ATN1: variants seen among roughly 807,000 people sequenced by gnomAD.
The protein encoded by ATN1 is atrophin 1.
Under a neutral mutation model 85.8 loss-of-function variants are expected in ATN1, and 19 were observed. The ratio of observed to expected loss-of-function variants is 0.22; its 90% CI spans 0.15 to 0.32. The LOEUF is 0.32. Ranked by LOEUF, ATN1 falls within the 10% of genes least tolerant of loss-of-function variation. The pLI, the probability that ATN1 is intolerant of heterozygous loss-of-function variation, is 1.00. For missense variants in ATN1, 1,453 were observed against 1,564.5 expected (o/e 0.93, Z 1.20); for synonymous variants, 674 against 657.0 (o/e 1.03, Z -0.39).
chr12:6,938,001 C>T lies in ATN1; in HGVS notation c.2451C>T (p.Arg817=), dbSNP rs782001819. Residue 817 remains arginine (R), a synonymous_variant, in exon 6 of 10, where the codon CGC becomes CGT. Coordinates refer to ENST00000396684, the MANE Select transcript of ATN1 (RefSeq NM_001940.4). The stretch of plus-strand genomic sequence containing the variant: ...AGCGCGCGCGCGAAGAAAAGGAGCG[C>T]GAGCGCGAGCGGGAACGCGAGAAAG... The part of the protein sequence containing the change: ...AEQRAREEKE[R]EREREREKER... 2.3e-5 allele frequency: 35 copies of T among 1,542,666 alleles called. No individual in the cohort carries two copies. Among genetic ancestry groups the T allele is most frequent in the Non-Finnish European group, 2.9e-5 (33 of 1,142,326 alleles).
At position 6,935,477 on chromosome 12, in the gene ATN1, G is replaced by C; in HGVS notation, c.280-70G>C. 1.5e-6 allele frequency: 2 copies of C among 1,376,740 alleles called. No homozygotes were observed. Among genetic ancestry groups the C allele is most frequent in the South Asian group, 1.3e-5 (1 of 75,824 alleles). The allele number at this position is 1,376,740 out of a possible 1,614,324, so 85.3% of individuals were successfully genotyped here. The stretch of plus-strand genomic sequence containing the variant: ...GTGCTGTGAGGGGAAATGATTTTAT[G>C]CAAGAGAGCCCCAAATCTCAGGGAA... On this transcript the variant is annotated intron_variant, in intron 4 of 9. Transcript: ENST00000396684. The surrounding 1 kb of genome is among the most constrained non-coding windows in gnomAD (Gnocchi z 5.3).
Position 6,934,670 on chromosome 12 carries a change from G to C in ATN1, c.279+92G>C. 1 of 961,544 alleles carries C rather than the reference G, an allele frequency of 1.0e-6. No individual in the cohort carries two copies. The highest frequency in any genetic ancestry group is 2.1e-4 in the Middle Eastern group (1 of 4,714). The allele number at this position is 961,544 out of a possible 1,614,324, so 59.6% of individuals were successfully genotyped here. A position where few individuals can be genotyped will look rare whatever the true frequency, so the allele number is the denominator to read the frequency against. ...CACTATTCTTAGCTGGATCTCTCCT[G>C]GGACATAAGAGAAAGGCCAGATCAT... On this transcript the variant is annotated intron_variant, in intron 4 of 9. Coordinates refer to ENST00000396684, the MANE Select transcript of ATN1 (RefSeq NM_001940.4). The surrounding 1 kb of genome is among the most constrained non-coding windows in gnomAD (Gnocchi z 4.5).
rs188431740 is a variant in ATN1, at chr12:6,935,432, C to A, written c.280-115C>A. 8.3e-3 allele frequency: 9,995 copies of A among 1,197,806 alleles called. 58 individuals carry two copies. The highest frequency in any genetic ancestry group is 9.9e-3 in the Non-Finnish European group (8,645 of 869,324). The allele number at this position is 1,197,806 out of a possible 1,614,324, so 74.2% of individuals were successfully genotyped here. On this transcript the variant is annotated intron_variant, in intron 4 of 9. Coordinates refer to ENST00000396684, the MANE Select transcript of ATN1 (RefSeq NM_001940.4). The surrounding 1 kb of genome is among the most constrained non-coding windows in gnomAD (Gnocchi z 5.3). ...AGGTGGGCTTGAGCAAGAGTACTCA[C>A]CACATCACAGTACAACAGTGTGCTG... is the stretch of plus-strand genomic sequence containing the variant.
chr12:6,925,193 C>T (rs1374392362), upstream of ATN1, among the ~76,000 whole-genome samples: 1 of 151,502 alleles, frequency 6.6e-6, no homozygotes, highest in Non-Finnish European at 1.5e-5. Context: ...GCCTGGCCCT[C>T]AGGTAGGGGA....
intron 1 of ATN1, among the ~76,000 whole-genome samples, chr12:6,932,640 TAAA>T (rs1244896804): frequency 1.1e-4 from 16 of 152,328 alleles, no homozygotes; most frequent in African/African-American, 3.8e-4. Context: ...AGGATAGGCT[TAAA>T]AACTGGTACA....
Position 6,938,589 on chromosome 12 carries a change from C to G in ATN1, c.2626C>G (p.Leu876Val), listed in dbSNP as rs1555144232. 2 of 1,614,260 alleles carry G rather than the reference C, an allele frequency of 1.2e-6. No homozygotes were observed. The highest frequency in any genetic ancestry group is 3.3e-5 in the Admixed American group (2 of 60,032). The change falls in exon 7 of 10, where the codon CTG (leucine) becomes GTG (valine). Residue 876 changes from leucine to valine, a missense_variant. Transcript: ENST00000396684. The stretch of plus-strand genomic sequence containing the variant: ...TGCGGTGGCTACAGTGCCCCCCTAC[C>G]TGGGTCCTGACACTCCAGCCTTGCG... ...GSAVATVPPY[L>V]GPDTPALRTL...
At chr12:6,925,047 T>C (rs1366711495), upstream of ATN1, among the ~76,000 whole-genome samples, 1 of 151,178 alleles carries the variant, frequency 6.6e-6, no homozygotes, top group African/African-American at 2.4e-5. Context: ...TGGAGACCAA[T>C]GGGTTGTGGG....
upstream of ATN1, among the ~76,000 whole-genome samples, chr12:6,925,398 T>TAC (rs1555142499): frequency 1.3e-5 from 2 of 151,132 alleles, no homozygotes; most frequent in African/African-American, 4.9e-5. Context: ...AACTGAGTGG[T>TAC]ACAGAAAGAG....
Position 6,935,111 on chromosome 12 carries a change from C to G in ATN1, c.280-436C>G, listed in dbSNP as rs1555143409. Among the ~76,000 whole-genome samples, 1 of 152,150 alleles carries G rather than the reference C, an allele frequency of 6.6e-6. No individual in the cohort carries two copies. Among genetic ancestry groups the G allele is most frequent in the Non-Finnish European group, 1.5e-5 (1 of 68,030 alleles). On this transcript the variant is annotated intron_variant, in intron 4 of 9. Coordinates refer to ENST00000396684, the MANE Select transcript of ATN1 (RefSeq NM_001940.4). This position sits in a 1 kb window ranked among gnomAD's most constrained non-coding sequence, Gnocchi z 5.3. Reference sequence around the variant, plus strand: ...CCATGTTGGCCAGGCTGGTTTGGAACTCCTGGCATCAAGTGATCCGCCCGC... The same window carrying G: ...CCATGTTGGCCAGGCTGGTTTGGAAGTCCTGGCATCAAGTGATCCGCCCGC...
rs1555143974 is a variant in ATN1, at chr12:6,937,410, C to T, written c.2143C>T (p.Pro715Ser). Residue 715 changes from proline (P) to serine (S), a missense_variant, in exon 5 of 10, where the codon CCT (proline) becomes TCT (serine). Physicochemically the swap from Pro to Ser is moderately conservative, Grantham distance 74. Around this residue, in one of 6 missense-constraint regions of ATN1, gnomAD observed 990 missense variants for 914.8 expected, o/e 1.08. Coordinates refer to ENST00000396684, the MANE Select transcript of ATN1 (RefSeq NM_001940.4). This position sits in a 1 kb window ranked among gnomAD's most constrained non-coding sequence, Gnocchi z 6.0. ...LPSLPPPPAA[P>S]ASGPPLSATQ... ...ATCGCTGCCACCACCACCTGCGGCC[C>T]CTGCCTCAGGGCCGCCCCTGAGCGC... 1 of 1,548,210 alleles carries T rather than the reference C, an allele frequency of 6.5e-7. No individual in the cohort carries two copies. Among genetic ancestry groups the T allele is most frequent in the Non-Finnish European group, 8.7e-7 (1 of 1,147,628 alleles).
Position 6,937,433 on chromosome 12 carries a change from C to T in ATN1, c.2166C>T (p.Ser722=). 6.5e-7 allele frequency: 1 copy of T among 1,547,450 alleles called. No homozygotes were observed. Among genetic ancestry groups the T allele is most frequent in the African/African-American group, 1.4e-5 (1 of 73,136 alleles). The change falls in exon 5 of 10, where the codon AGC becomes AGT. Residue 722 remains serine, a synonymous_variant. Coordinates refer to ENST00000396684, the MANE Select transcript of ATN1 (RefSeq NM_001940.4). This position sits in a 1 kb window ranked among gnomAD's most constrained non-coding sequence, Gnocchi z 6.0. ...CCCCTGCCTCAGGGCCGCCCCTGAG[C>T]GCCACGCAGATCAAACAGGAGCCGG... is the stretch of plus-strand genomic sequence containing the variant. ...PAAPASGPPL[S]ATQIKQEPAE...
Position 6,937,622 on chromosome 12 carries a change from A to G in ATN1, c.2294+61A>G. On this transcript the variant is annotated intron_variant, in intron 5 of 9. Transcript: ENST00000396684. This position sits in a 1 kb window ranked among gnomAD's most constrained non-coding sequence, Gnocchi z 6.0. ...AGGGGACGACGACAAGGCGGCGACG[A>G]GAGAGGGAGTAGCAGGGAGGGGCCT... The G allele has an allele frequency of 6.9e-7, 1 of 1,447,166 alleles. No homozygotes were observed. Among genetic ancestry groups the G allele is most frequent in the Admixed American group, 2.8e-5 (1 of 35,854 alleles). 89.6% of individuals were successfully genotyped at this position (1,447,166 alleles called of 1,614,324 possible).
chr12:6,934,215 C>G lies in ATN1; in HGVS notation c.67C>G (p.Pro23Ala). ...TGGACGGAAGAAAGAGGCCCCTGGG[C>G]CCCGGGAAGAACTGAGATCGAGGGG... ...RSGRKKEAPG[P>A]REELRSRGRA... is the part of the protein sequence containing the mutation. The change falls in exon 3 of 10, where the codon CCC (proline) becomes GCC (alanine). Residue 23 changes from proline to alanine, a missense_variant. By Grantham distance (27) the Pro-to-Ala change is conservative. Around this residue, in one of 6 missense-constraint regions of ATN1, gnomAD observed 130 missense variants for 158.2 expected, o/e 0.82. Coordinates refer to ENST00000396684, the MANE Select transcript of ATN1 (RefSeq NM_001940.4). This position sits in a 1 kb window ranked among gnomAD's most constrained non-coding sequence, Gnocchi z 4.5. 5.0e-6 allele frequency: 8 copies of G among 1,595,974 alleles called. No homozygotes were observed. Among genetic ancestry groups the G allele is most frequent in the Non-Finnish European group, 6.8e-6 (8 of 1,175,646 alleles).
Position 6,937,600 on chromosome 12 carries a change from G to T in ATN1, c.2294+39G>T. ...TGGGGCGGAGGTGGGCCTGGAAAGG[G>T]GACGACGACAAGGCGGCGACGAGAG... is the stretch of plus-strand genomic sequence containing the variant. On this transcript the variant is annotated intron_variant, in intron 5 of 9. Transcript: ENST00000396684. The surrounding 1 kb of genome is among the most constrained non-coding windows in gnomAD (Gnocchi z 6.0). The T allele has an allele frequency of 6.8e-7, 1 of 1,461,218 alleles. No homozygotes were observed. Among genetic ancestry groups the T allele is most frequent in the South Asian group, 1.4e-5 (1 of 71,612 alleles). The allele number at this position is 1,461,218 out of a possible 1,614,324, so 90.5% of individuals were successfully genotyped here.
rs1325369908 is a variant in ATN1, at chr12:6,941,281, T to G, written c.3359-93T>G. The G allele has an allele frequency of 2.8e-6, 4 of 1,451,952 alleles. No individual in the cohort carries two copies. Among genetic ancestry groups the G allele is most frequent in the Non-Finnish European group, 3.7e-6 (4 of 1,076,668 alleles). 89.9% of individuals were successfully genotyped at this position (1,451,952 alleles called of 1,614,324 possible). A position where few individuals can be genotyped will look rare whatever the true frequency, so the allele number is the denominator to read the frequency against. On this transcript the variant is annotated intron_variant, in intron 8 of 9. Transcript: ENST00000396684. This position sits in a 1 kb window ranked among gnomAD's most constrained non-coding sequence, Gnocchi z 5.9. ...TGTGTTACCTCACTTTTTAGTTCAT[T>G]ACCTTTGTATGTAAAGGAGCTGGCT...
At position 6,935,432 on chromosome 12, in the gene ATN1, C is replaced by T; in HGVS notation, c.280-115C>T. 1 of 1,197,892 alleles carries T rather than the reference C, an allele frequency of 8.3e-7. No individual in the cohort carries two copies. Among genetic ancestry groups the T allele is most frequent in the Non-Finnish European group, 1.2e-6 (1 of 869,402 alleles). The allele number at this position is 1,197,892 out of a possible 1,614,324, so 74.2% of individuals were successfully genotyped here. On this transcript the variant is annotated intron_variant, in intron 4 of 9. Coordinates refer to ENST00000396684, the MANE Select transcript of ATN1 (RefSeq NM_001940.4). This position sits in a 1 kb window ranked among gnomAD's most constrained non-coding sequence, Gnocchi z 5.3. The stretch of plus-strand genomic sequence containing the variant: ...AGGTGGGCTTGAGCAAGAGTACTCA[C>T]CACATCACAGTACAACAGTGTGCTG...
chr12:6,941,665 C>G lies in ATN1; in HGVS notation c.3540-82C>G. On this transcript the variant is annotated intron_variant, in intron 9 of 9. Transcript: ENST00000396684. This position sits in a 1 kb window ranked among gnomAD's most constrained non-coding sequence, Gnocchi z 5.9. ...CCTGGGGGAGGGAACCCCTCCTCTC[C>G]CAACCCCTTCGGTAAGAGGGGGCAA... 1 of 1,590,392 alleles carries G rather than the reference C, an allele frequency of 6.3e-7. No individual in the cohort carries two copies. The highest frequency in any genetic ancestry group is 2.2e-5 in the East Asian group (1 of 44,744).
chr12:6,928,323 C>G lies in ATN1; in HGVS notation c.-224C>G, dbSNP rs1464525365. 1.3e-5 allele frequency: 2 copies of G among 150,986 alleles called. No homozygotes were observed. The highest frequency in any genetic ancestry group is 2.0e-4 in the East Asian group (1 of 5,056). The allele number at this position is 150,986 out of a possible 1,614,324, so 9.4% of individuals were successfully genotyped here. A position where few individuals can be genotyped will look rare whatever the true frequency, so the allele number is the denominator to read the frequency against. On this transcript the variant is annotated 5_prime_UTR_variant, in exon 1 of 10. Transcript: ENST00000396684. ...GCGGGGGAGCTGCCGCCGCCGCCCCCCAGAGGCGCCGGAGCCCGGAATCCC... is the reference window on the plus strand; with the variant it reads ...GCGGGGGAGCTGCCGCCGCCGCCCCGCAGAGGCGCCGGAGCCCGGAATCCC...
Position 6,935,730 on chromosome 12 carries a change from C to G in ATN1, c.463C>G (p.Pro155Ala). 1 of 1,613,880 alleles carries G rather than the reference C, an allele frequency of 6.2e-7. No individual in the cohort carries two copies. The highest frequency in any genetic ancestry group is 8.5e-7 in the Non-Finnish European group (1 of 1,179,882). The change falls in exon 5 of 10, where the codon CCA becomes GCA. Residue 155 changes from proline to alanine, a missense_variant. Pro to Ala is a conservative substitution (Grantham distance 27). This residue lies in a region of ATN1 where 990 missense variants were observed against 914.8 expected (regional missense o/e 1.08). Coordinates refer to ENST00000396684, the MANE Select transcript of ATN1 (RefSeq NM_001940.4). This position sits in a 1 kb window ranked among gnomAD's most constrained non-coding sequence, Gnocchi z 5.3. Reference sequence around the variant, plus strand: ...CTCATCTTCTGGCCTGTCCCAGGGCCCAGCCCGCCCCTACCACCCACCTCC... The same window carrying G: ...CTCATCTTCTGGCCTGTCCCAGGGCGCAGCCCGCCCCTACCACCCACCTCC... ...SDSSSGLSQGPARPYHPPPLF... is the reference protein window; with the variant it reads ...SDSSSGLSQGAARPYHPPPLF...
Sources: gnomAD v4.1 joint callset for allele counts (sites outside exome capture counted in the v4.1 genomes callset) on GRCh38, gnomAD v4.1.1 for gene constraint, gnomAD v4.1.1 regional missense constraint, Gnocchi (gnomAD v3.1) non-coding constraint, MANE v1.5 for transcripts, NCBI Gene and HGNC (gene_info 2026-07-23, HGNC 2026-07-21) for gene names.